LRMDA: variants seen among roughly 807,000 people sequenced by gnomAD.
LRMDA encodes the protein leucine-rich melanocyte differentiation-associated protein.
In LRMDA, 18 loss-of-function variants were observed where a neutral mutation model predicts 29.8. That is an observed-to-expected ratio of 0.60 (90% CI 0.42 to 0.90). LRMDA has a LOEUF of 0.90. LRMDA is among the 40% of genes least tolerant of loss of function. The pLI is 0.00. For missense variants in LRMDA, 273 were observed against 273.9 expected (o/e 1.00, Z 0.02); for synonymous variants, 125 against 109.4 (o/e 1.14, Z -0.89).
At chr10:76,012,336 C>T (rs1384741300) in intron 2 of LRMDA, among the ~76,000 whole-genome samples, 3 of 152,148 alleles carry the variant, frequency 2.0e-5, no homozygotes, top group Non-Finnish European at 4.4e-5. Flanking sequence ...TGTTCCAGGA[C>T]AGAGCTCACA....
chr10:75,585,377 A>T (rs1840644149), intron 2 of LRMDA, among the ~76,000 whole-genome samples: 1 of 152,200 alleles, frequency 6.6e-6, no homozygotes, highest in Admixed American at 6.5e-5. Context: ...GGATATGCAA[A>T]ATTTTAAAAA....
intron 2 of LRMDA, among the ~76,000 whole-genome samples, chr10:75,572,633 A>C (rs1000763039): frequency 6.6e-6 from 1 of 152,222 alleles, no homozygotes; most frequent in African/African-American, 2.4e-5. Context: ...AAATATCTTT[A>C]CTTTGGCTTT....
intron 6 of LRMDA, among the ~76,000 whole-genome samples, chr10:76,346,817 G>A (rs534059535): frequency 3.7e-4 from 57 of 152,256 alleles, no homozygotes; most frequent in Non-Finnish European, 5.7e-4. Context: ...TCCATGAGAC[G>A]CAAAACCAGG....
At chr10:76,486,426 G>GT (rs749203959) in intron 6 of LRMDA, among the ~76,000 whole-genome samples, 22 of 151,860 alleles carry the variant, frequency 1.4e-4, no homozygotes, top group African/African-American at 5.3e-4. Context: ...GATTTGTTTT[G>GT]TTTTTTGGCT....
intron 5 of LRMDA, among the ~76,000 whole-genome samples, chr10:76,185,634 A>T (rs1435022841): frequency 6.6e-6 from 1 of 152,196 alleles, no homozygotes; most frequent in Non-Finnish European, 1.5e-5. Context: ...TGCGAGGGAT[A>T]TGTGAAAGCG....
intron 2 of LRMDA, among the ~76,000 whole-genome samples, chr10:75,764,147 CTCTT>C (rs1843131773): frequency 6.6e-6 from 1 of 152,166 alleles, no homozygotes; most frequent in South Asian, 2.1e-4. Flanking sequence ...TTCTAGCTCT[CTCTT>C]TCTCCTTCCT....
chr10:76,338,701 T>TAAA (rs10676765), intron 6 of LRMDA, among the ~76,000 whole-genome samples: 18,372 of 150,788 alleles, frequency 0.12, 1,202 homozygotes, highest in East Asian at 0.24. Flanking sequence ...CAGATTTGGT[T>TAAA]AAAAAAAAAT....
At chr10:75,654,382 A>C (rs1841640894) in intron 2 of LRMDA, among the ~76,000 whole-genome samples, 1 of 152,202 alleles carries the variant, frequency 6.6e-6, no homozygotes, top group African/African-American at 2.4e-5. Context: ...GGAGCCACCA[A>C]CAGTTCTTAC....
chr10:75,526,799 C>T (rs1845417993), intron 2 of LRMDA, among the ~76,000 whole-genome samples: 1 of 150,402 alleles, frequency 6.6e-6, no homozygotes, highest in African/African-American at 2.4e-5. Context: ...TTCAAGTCTT[C>T]AGTGAGCTGT....
intron 5 of LRMDA, among the ~76,000 whole-genome samples, chr10:76,158,360 T>C (rs1850581278): frequency 6.6e-6 from 1 of 152,166 alleles, no homozygotes. Flanking sequence ...TCTTACGTAC[T>C]AATGGCAGGT....
At chr10:75,575,577 C>T (rs1190959264) in intron 2 of LRMDA, among the ~76,000 whole-genome samples, 1 of 152,192 alleles carries the variant, frequency 6.6e-6, no homozygotes, top group African/African-American at 2.4e-5. Context: ...AATCTTAAAG[C>T]TCAGGATGGC....
intron 2 of LRMDA, among the ~76,000 whole-genome samples, chr10:75,901,915 A>G (rs1479079743): frequency 1.3e-5 from 2 of 152,254 alleles, no homozygotes; most frequent in African/African-American, 4.8e-5. Flanking sequence ...AAGGAGTGAG[A>G]ATGTAATTGT....
intron 2 of LRMDA, among the ~76,000 whole-genome samples, chr10:75,978,603 T>C (rs1273268583): frequency 2.0e-5 from 3 of 152,176 alleles, no homozygotes; most frequent in Non-Finnish European, 1.5e-5. Flanking sequence ...GGAGAATGGG[T>C]GTGGACGCAG....
chr10:75,448,609 A>G (rs1844421387), intron 2 of LRMDA, among the ~76,000 whole-genome samples: 1 of 152,322 alleles, frequency 6.6e-6, no homozygotes, highest in South Asian at 2.1e-4. Flanking sequence ...ATTAGCATTT[A>G]GTGGGTGAGG....
intron 6 of LRMDA, among the ~76,000 whole-genome samples, chr10:76,541,817 C>T (rs1356986209): frequency 6.6e-6 from 1 of 152,096 alleles, no homozygotes; most frequent in Admixed American, 6.5e-5. Context: ...CTATGTGTCT[C>T]ATTTCAGTGT....
intron 2 of LRMDA, among the ~76,000 whole-genome samples, chr10:75,589,516 G>A (rs992381282): frequency 2.0e-5 from 3 of 152,106 alleles, no homozygotes; most frequent in Non-Finnish European, 4.4e-5. Context: ...AATTTTGGTG[G>A]CTGAGGCAGG....
At chr10:76,428,482 G>A (rs1842153989) in intron 6 of LRMDA, among the ~76,000 whole-genome samples, 1 of 151,888 alleles carries the variant, frequency 6.6e-6, no homozygotes, top group Non-Finnish European at 1.5e-5. Flanking sequence ...ATGAGCTATA[G>A]ACCCATCATA....
intron 6 of LRMDA, among the ~76,000 whole-genome samples, chr10:76,540,358 T>C (rs1589230343): frequency 6.6e-6 from 1 of 152,362 alleles, no homozygotes; most frequent in Middle Eastern, 3.4e-3. Context: ...TTGTCACGTA[T>C]TACTGGTTAT....
chr10:76,216,051 T>C (rs1851722702), intron 5 of LRMDA, among the ~76,000 whole-genome samples: 1 of 152,192 alleles, frequency 6.6e-6, no homozygotes, highest in Non-Finnish European at 1.5e-5. Context: ...AAAAATCAGC[T>C]TTAAGAACAG....
Sources: allele counts gnomAD v4.1 joint callset (sites outside exome capture counted in the v4.1 genomes callset), GRCh38; gene constraint gnomAD v4.1.1; transcripts MANE v1.5; gene names NCBI Gene and HGNC (gene_info 2026-07-23, HGNC 2026-07-21).